The following TENM2 variants were observed in gnomAD, a reference collection of about 807,000 sequenced individuals.
The protein encoded by TENM2 is teneurin-2.
Under a neutral mutation model 245.2 loss-of-function variants are expected in TENM2, and 52 were observed. That is an observed-to-expected ratio of 0.21 (90% CI 0.17 to 0.27). The LOEUF is 0.27. Among genes scored for constraint, TENM2 ranks in the 10% least tolerant of loss-of-function variants. TENM2 has a pLI of 1.00. For synonymous variants in TENM2, 1,363 were observed against 1,438.9 expected, an observed-to-expected ratio of 0.95 and a Z score of 1.19; for missense variants, 3,046 against 3,666.8, an observed-to-expected ratio of 0.83 and a Z score of 4.37.
At chr5:168,235,923 C>A (rs1173577760) in intron 25 of TENM2, among the ~76,000 whole-genome samples, 2 of 152,100 alleles carry the variant, frequency 1.3e-5, no homozygotes, top group Non-Finnish European at 2.9e-5. Flanking sequence ...GAACTGAGAA[C>A]TGAATGAAGA....
chr5:167,769,919 C>A (rs1763291873), intron 2 of TENM2, among the ~76,000 whole-genome samples: 1 of 151,160 alleles, frequency 6.6e-6, no homozygotes, highest in South Asian at 2.1e-4. Context: ...GTTTTTTTTT[C>A]CCCAGTAAAG....
intron 5 of TENM2, among the ~76,000 whole-genome samples, chr5:168,032,126 A>G (rs1787201106): frequency 6.6e-6 from 1 of 152,200 alleles, no homozygotes; most frequent in African/African-American, 2.4e-5. Flanking sequence ...CTGGCAGACT[A>G]ATCTTGGACA....
the TENM2 span, among the ~76,000 whole-genome samples, chr5:167,270,710 T>A: frequency 6.6e-6 from 1 of 152,142 alleles, no homozygotes; most frequent in African/African-American, 2.4e-5. Context: ...CAATTACAAA[T>A]CCAATGGCCA....
At chr5:167,309,777 A>G (rs1462484126) in intron 1 of TENM2, 2 of 152,170 alleles carry the variant, frequency 1.3e-5, no homozygotes, top group African/African-American at 4.8e-5. Flanking sequence ...GAGAGGCTAA[A>G]AGAGTCTTAT....
chr5:167,038,114 A>T, the TENM2 span, among the ~76,000 whole-genome samples: 2 of 152,252 alleles, frequency 1.3e-5, no homozygotes, highest in South Asian at 2.1e-4. Flanking sequence ...TCTTAGTTTC[A>T]GTCAGTAGAC....
At chr5:168,038,924 C>T (rs1787939542) in intron 5 of TENM2, among the ~76,000 whole-genome samples, 1 of 152,188 alleles carries the variant, frequency 6.6e-6, no homozygotes, top group African/African-American at 2.4e-5. Context: ...GAGTTCAGAT[C>T]AGAGGGCTCA....
chr5:167,433,490 C>G (rs1166641073), intron 2 of TENM2, among the ~76,000 whole-genome samples: 1 of 152,124 alleles, frequency 6.6e-6, no homozygotes, highest in Non-Finnish European at 1.5e-5. Context: ...TTATTTTCCC[C>G]TCTTATGCTT....
At chr5:167,404,964 C>A (rs893710348) in intron 2 of TENM2, among the ~76,000 whole-genome samples, 4 of 152,102 alleles carry the variant, frequency 2.6e-5, no homozygotes, top group African/African-American at 9.7e-5. Context: ...CAGTCCTAAG[C>A]AGCATCCATC....
chr5:167,688,502 C>T (rs942831629), intron 2 of TENM2, among the ~76,000 whole-genome samples: 1 of 152,128 alleles, frequency 6.6e-6, no homozygotes, highest in African/African-American at 2.4e-5. Flanking sequence ...AACTCATGTA[C>T]CAACTTTGTT....
chr5:167,164,491 C>T, the TENM2 span, among the ~76,000 whole-genome samples: 236 of 152,310 alleles, frequency 1.5e-3, 1 homozygote, highest in Non-Finnish European at 2.6e-3. Context: ...CTTACATAAG[C>T]TGACCTCGTT....
At chr5:167,392,145 TG>T (rs1761794846) in intron 2 of TENM2, among the ~76,000 whole-genome samples, 2 of 152,148 alleles carry the variant, frequency 1.3e-5, no homozygotes, top group Admixed American at 6.6e-5. Flanking sequence ...GAGGCAAGAC[TG>T]GCTGAGCCTC....
the TENM2 span, among the ~76,000 whole-genome samples, chr5:167,101,146 T>C: frequency 1.3e-5 from 2 of 152,232 alleles, no homozygotes; most frequent in African/African-American, 4.8e-5. Context: ...ATGAATTTGA[T>C]TTATTTTGTG....
intron 2 of TENM2, among the ~76,000 whole-genome samples, chr5:167,859,478 T>C (rs1353946877): frequency 0.022 from 1,067 of 48,474 alleles, no homozygotes; most frequent in Non-Finnish European, 0.024. Context: ...CCCCTCAGCC[T>C]GGCCAGCCAC....
At chr5:167,641,580 C>T (rs1022205442) in intron 2 of TENM2, among the ~76,000 whole-genome samples, 5 of 152,146 alleles carry the variant, frequency 3.3e-5, no homozygotes, top group Non-Finnish European at 7.4e-5. Flanking sequence ...GAATGTACGG[C>T]TGTAATGGCT....
intron 2 of TENM2, among the ~76,000 whole-genome samples, chr5:167,437,208 C>T (rs995716497): frequency 6.6e-6 from 1 of 152,196 alleles, no homozygotes; most frequent in African/African-American, 2.4e-5. Flanking sequence ...TGCCCAAGAC[C>T]ATGGGAACCC....
At chr5:168,195,078 C>T (rs1761293992) in intron 14 of TENM2, 98 bp from the exon 17 acceptor site, 1 of 1,407,824 alleles carries the variant, frequency 7.1e-7, no homozygotes, top group Non-Finnish European at 9.7e-7. Flanking sequence ...CTTCTCCTTG[C>T]CTGAGGGACC....
At chr5:167,989,899 A>G (rs1414089723) in intron 4 of TENM2, among the ~76,000 whole-genome samples, 1 of 152,162 alleles carries the variant, frequency 6.6e-6, no homozygotes, top group East Asian at 1.9e-4. Flanking sequence ...AAGCTGCCCA[A>G]TGCACAACGG....
At chr5:167,522,587 A>G (rs1020456685) in intron 2 of TENM2, among the ~76,000 whole-genome samples, 2 of 152,080 alleles carry the variant, frequency 1.3e-5, no homozygotes, top group African/African-American at 4.8e-5. Context: ...ATCTGATGGG[A>G]AATACATTCT....
chr5:168,196,005 A>G (rs1316059080), intron 15 of TENM2, among the ~76,000 whole-genome samples: 4 of 152,140 alleles, frequency 2.6e-5, no homozygotes, highest in Non-Finnish European at 4.4e-5. Flanking sequence ...GAAAACACTA[A>G]CTTACTCTGG....
Sources: gnomAD v4.1 joint callset for allele counts (sites outside exome capture counted in the v4.1 genomes callset) on GRCh38, gnomAD v4.1.1 for gene constraint, MANE v1.5 for transcripts, NCBI Gene and HGNC (gene_info 2026-07-23, HGNC 2026-07-21) for gene names.